Variants in PIEZO2 observed in about 807,000 individuals in gnomAD.
PIEZO2 encodes the protein piezo-type mechanosensitive ion channel component 2.
In PIEZO2, 172 loss-of-function variants were observed where a neutral mutation model predicts 337.3. That is an observed-to-expected ratio of 0.51 (90% CI 0.45 to 0.58). The LOEUF is 0.58. PIEZO2 is among the 20% of genes least tolerant of loss of function. PIEZO2 has a pLI of 0.00. For missense variants in PIEZO2, 3,028 were observed against 3,391.3 expected, an observed-to-expected ratio of 0.89 and a Z score of 2.66; for synonymous variants, 1,251 against 1,228.5, an observed-to-expected ratio of 1.02 and a Z score of -0.38.
At position 11,077,322 on chromosome 18, in the gene PIEZO2, G is replaced by T. The variant is rs1248726038; in HGVS notation, c.65-11100C>A. ...GTGAAGAGTTAGCATTTGTAGACTG[G>T]AGGACTTGGTAGCTTGCTTTGGTTT... On this transcript the variant is annotated intron_variant, in intron 1 of 55. Coordinates refer to ENST00000674853, the MANE Select transcript of PIEZO2 (RefSeq NM_001378183.1). The surrounding 1 kb of genome is among the most constrained non-coding windows in gnomAD (Gnocchi z 4.8). Among the ~76,000 whole-genome samples the T allele has an allele frequency of 6.6e-6, 1 of 152,166 alleles. No homozygotes were observed. Among genetic ancestry groups the T allele is most frequent in the South Asian group, 2.1e-4 (1 of 4,828 alleles).
rs113087680 is a variant in PIEZO2 at position 10,732,100 on chromosome 18, G to T, written c.4915-579C>A. Among the ~76,000 whole-genome samples the T allele has an allele frequency of 6.0e-3, 913 of 152,298 alleles. 14 individuals carry two copies. Among genetic ancestry groups the T allele is most frequent in the African/African-American group, 0.02 (851 of 41,556 alleles). ...TCCAGAATAGCATTAAAGAAAAACT[G>T]TGGGGCTTTTGGTTGCCTTTTGTCA... On this transcript the variant is annotated intron_variant, in intron 35 of 55. Transcript: ENST00000674853.
chr18:10,704,937 C>T (rs1309136672), intron 41 of PIEZO2, among the ~76,000 whole-genome samples: 4 of 152,186 alleles, frequency 2.6e-5, no homozygotes, highest in Non-Finnish European at 4.4e-5. Context: ...GTGATCCACC[C>T]GCCTCAGCCT....
intron 1 of PIEZO2, among the ~76,000 whole-genome samples, chr18:11,085,662 T>C (rs2038882813): frequency 6.6e-6 from 1 of 152,124 alleles, no homozygotes; most frequent in South Asian, 2.1e-4. Flanking sequence ...TCTCCTAACC[T>C]TCCTTCCTCC....
intron 3 of PIEZO2, among the ~76,000 whole-genome samples, chr18:10,937,646 T>G (rs1385301418): frequency 2.0e-5 from 3 of 152,158 alleles, no homozygotes; most frequent in African/African-American, 7.2e-5. Context: ...TCCCACAAAA[T>G]TGGATTTTTT....
intron 3 of PIEZO2, among the ~76,000 whole-genome samples, chr18:10,946,495 G>A (rs1337044335): frequency 6.6e-6 from 1 of 152,148 alleles, no homozygotes; most frequent in South Asian, 2.1e-4. Flanking sequence ...TGTTAACAGG[G>A]TTGAGCAAGG....
chr18:10,806,830 T>C (rs770441292), intron 8 of PIEZO2, among the ~76,000 whole-genome samples: 39 of 152,238 alleles, frequency 2.6e-4, no homozygotes, highest in East Asian at 1.9e-4. Flanking sequence ...ATGTATGACA[T>C]GGCATATTAC....
At chr18:11,039,395 G>A (rs1276520049) in intron 2 of PIEZO2, among the ~76,000 whole-genome samples, 1 of 152,160 alleles carries the variant, frequency 6.6e-6, no homozygotes, top group Non-Finnish European at 1.5e-5. Context: ...TAGAGACATC[G>A]TTTGAACAGA....
In PIEZO2 at chr18:10,716,419, C is replaced by G. The variant is rs2143893458; in HGVS notation, c.5090-603G>C. ...TGTGTATATAGTGACATCTGATGTT[C>G]TGTGTGACAATTTCCCACCTGTGCT... On this transcript the variant is annotated intron_variant, in intron 37 of 55. Coordinates refer to ENST00000674853, the MANE Select transcript of PIEZO2 (RefSeq NM_001378183.1). The surrounding 1 kb of genome is among the most constrained non-coding windows in gnomAD (Gnocchi z 4.1). Among the ~76,000 whole-genome samples the G allele has an allele frequency of 6.6e-6, 1 of 152,312 alleles. No homozygotes were observed. Among genetic ancestry groups the G allele is most frequent in the East Asian group, 1.9e-4 (1 of 5,186 alleles).
rs1229703057 is a variant in PIEZO2, at chr18:10,775,691, G to A, written c.2535-1653C>T. Among the ~76,000 whole-genome samples the A allele has an allele frequency of 6.6e-6, 1 of 152,198 alleles. No homozygotes were observed. Among genetic ancestry groups the A allele is most frequent in the Non-Finnish European group, 1.5e-5 (1 of 68,034 alleles). On this transcript the variant is annotated intron_variant, in intron 18 of 55. Coordinates refer to ENST00000674853, the MANE Select transcript of PIEZO2 (RefSeq NM_001378183.1). This position sits in a 1 kb window ranked among gnomAD's most constrained non-coding sequence, Gnocchi z 4.3. ...CCACAGGCAGGGTGCATTGAGGAGA[G>A]ATCGTTCAATGAAAGAATCAGAGGA... is the stretch of plus-strand genomic sequence containing the variant.
chr18:10,708,602 G>C (rs2035686388), intron 39 of PIEZO2, among the ~76,000 whole-genome samples, 163 bp from the exon 40 acceptor site: 1 of 152,114 alleles, frequency 6.6e-6, no homozygotes, highest in Non-Finnish European at 1.5e-5. Context: ...GATGGGGATG[G>C]ACCTGTGTGC....
In PIEZO2 at chr18:10,746,557, C is replaced by T. The variant is rs944433820; in HGVS notation, c.4424+1914G>A. Reference sequence around the variant, plus strand: ...GCTCCCGGAGTGTCTCCTACCATCACACCTGCTGTCGTCTGAATGTCTGCA... The same window carrying T: ...GCTCCCGGAGTGTCTCCTACCATCATACCTGCTGTCGTCTGAATGTCTGCA... On this transcript the variant is annotated intron_variant, in intron 30 of 55. Transcript: ENST00000674853. This position sits in a 1 kb window ranked among gnomAD's most constrained non-coding sequence, Gnocchi z 4.2. Among the ~76,000 whole-genome samples, 1 of 152,220 alleles carries T rather than the reference C, an allele frequency of 6.6e-6. No individual in the cohort carries two copies. Among genetic ancestry groups the T allele is most frequent in the African/African-American group, 2.4e-5 (1 of 41,448 alleles).
intron 48 of PIEZO2, among the ~76,000 whole-genome samples, chr18:10,690,949 C>A (rs2034792819): frequency 6.6e-6 from 1 of 152,174 alleles, no homozygotes; most frequent in African/African-American, 2.4e-5. Flanking sequence ...GATCATGTAT[C>A]CCTATTTTTC....
At chr18:10,765,271 G>A (rs539115847) in intron 21 of PIEZO2, among the ~76,000 whole-genome samples, 93 of 152,300 alleles carry the variant, frequency 6.1e-4, no homozygotes, top group African/African-American at 2.0e-3. Flanking sequence ...GGAGAGCATG[G>A]GCTGCCCATC....
chr18:11,014,926 C>A (rs28564299), intron 2 of PIEZO2, among the ~76,000 whole-genome samples: 2 of 131,332 alleles, frequency 1.5e-5, no homozygotes, highest in East Asian at 2.5e-4. Context: ...GACAGCGATC[C>A]GGGGCCCCCC....
chr18:10,900,314 G>A lies in PIEZO2; in HGVS notation c.329+10872C>T, dbSNP rs532139524. ...ACCTTGGCAGATCAGGGCAAATATC[G>A]AAATTGATCAATTGCATAGGGAAAG... On this transcript the variant is annotated intron_variant, in intron 4 of 55. Coordinates refer to ENST00000674853, the MANE Select transcript of PIEZO2 (RefSeq NM_001378183.1). Among the ~76,000 whole-genome samples the A allele has an allele frequency of 9.5e-4, 144 of 152,030 alleles. No individual in the cohort carries two copies. The South Asian group carries it at 0.016, about 17-fold the overall frequency.
At position 10,813,970 on chromosome 18, in the gene PIEZO2, TA is replaced by T. The variant is rs926858000; in HGVS notation, c.918-6697del. 2.2e-4 allele frequency among the ~76,000 whole-genome samples: 33 copies of T among 150,288 alleles called. No homozygotes were observed. The highest frequency in any genetic ancestry group is 6.6e-4 in the African/African-American group (27 of 40,942). On this transcript the variant is annotated intron_variant, in intron 7 of 55. Coordinates refer to ENST00000674853, the MANE Select transcript of PIEZO2 (RefSeq NM_001378183.1). This position sits in a 1 kb window ranked among gnomAD's most constrained non-coding sequence, Gnocchi z 4.2. ...AATAGGTGTGAGATGGGACACCATATATTTTTTTTTTTTTTGAGATGGAGTT... is the reference window on the plus strand; with the variant it reads ...AATAGGTGTGAGATGGGACACCATATTTTTTTTTTTTTTTGAGATGGAGTT...
chr18:11,065,127 T>C (rs940263462), intron 2 of PIEZO2, among the ~76,000 whole-genome samples: 3 of 152,200 alleles, frequency 2.0e-5, no homozygotes, highest in Non-Finnish European at 4.4e-5. Flanking sequence ...TGATGAATGA[T>C]CATAACATGC....
chr18:10,829,297 A>G (rs2040772326), intron 7 of PIEZO2, among the ~76,000 whole-genome samples: 1 of 152,192 alleles, frequency 6.6e-6, no homozygotes, highest in South Asian at 2.1e-4. Flanking sequence ...TAGAAGGAAC[A>G]TACCTCAACA....
intron 45 of PIEZO2, 141 bp downstream of exon 45, chr18:10,697,605 AAG>A: frequency 9.1e-7 from 1 of 1,094,192 alleles, no homozygotes; most frequent in Non-Finnish European, 1.3e-6. Flanking sequence ...ACAAGACAAA[AAG>A]GGGTAATTTC....
Sources: allele counts gnomAD v4.1 joint callset (sites outside exome capture counted in the v4.1 genomes callset), GRCh38; gene constraint gnomAD v4.1.1; non-coding constraint Gnocchi (gnomAD v3.1); transcripts MANE v1.5; gene names NCBI Gene and HGNC (gene_info 2026-07-23, HGNC 2026-07-21).